The following RIF1 variants were observed in gnomAD, a reference collection of about 807,000 sequenced individuals.
RIF1 encodes telomere-associated protein RIF1.
Under a neutral mutation model 247.1 loss-of-function variants are expected in RIF1, and 45 were observed. The observed-to-expected ratio is 0.18, with a 90% CI of 0.14 to 0.23. The LOEUF is 0.23. Ranked by LOEUF, RIF1 falls within the 10% of genes least tolerant of loss-of-function variation. The pLI, the probability that RIF1 is intolerant of heterozygous loss-of-function variation, is 1.00. For missense variants in RIF1, 2,967 were observed against 2,862.5 expected (o/e 1.04, Z -0.83); for synonymous variants, 1,087 against 978.8 (o/e 1.11, Z -2.06).
At chr2:151,435,687 T>C (rs1691043889) in intron 11 of RIF1, 107 bp downstream of exon 11, 1 of 614,736 alleles carries the variant, frequency 1.6e-6, no homozygotes, top group Admixed American at 2.5e-5. Flanking sequence ...TTTTGCTCAG[T>C]GTTTTTCGTT....
intron 13 of RIF1, among the ~76,000 whole-genome samples, chr2:151,438,250 T>C (rs1187839426): frequency 6.6e-6 from 1 of 152,004 alleles, no homozygotes. Context: ...GAGGCTAAGG[T>C]GGGAGGTTCA....
In RIF1 at chr2:151,490,448, C is replaced by T. The variant is rs759047810; in HGVS notation, c.*416-4781C>T. On this transcript the variant is annotated intron_variant and NMD_transcript_variant, in intron 9 of 13. Transcript: ENST00000454583. Reference sequence around the variant, plus strand: ...CTGGTGCTTCTGAATGCTCAGACTTCTCCTCACCCCCACTGATGCTTAGTG... The same window carrying T: ...CTGGTGCTTCTGAATGCTCAGACTTTTCCTCACCCCCACTGATGCTTAGTG... 2.5e-6 allele frequency: 4 copies of T among 1,606,290 alleles called. No homozygotes were observed. Among genetic ancestry groups the T allele is most frequent in the Non-Finnish European group, 3.4e-6 (4 of 1,176,366 alleles).
Position 151,457,858 on chromosome 2 carries a change from G to T in RIF1, c.2750G>T (p.Cys917Phe). 6.2e-7 allele frequency: 1 copy of T among 1,613,620 alleles called. No homozygotes were observed. The highest frequency in any genetic ancestry group is 8.5e-7 in the Non-Finnish European group (1 of 1,179,670). ...CTTGAACAACTCTCCCCACTATTAT[G>T]CATAATATTTCTGCACAAGAATAAA... is the stretch of plus-strand genomic sequence containing the variant. The part of the protein sequence containing the change: ...ELLEQLSPLL[C>F]IIFLHKNKQI... Residue 917 changes from cysteine to phenylalanine, a missense_variant, in exon 24 of 36, where the codon TGC becomes TTC. By Grantham distance (205) the Cys-to-Phe change is radical (BLOSUM62 -2). Around this residue, in one of 7 missense-constraint regions of RIF1, gnomAD observed 2,028 missense variants for 1,825.6 expected, o/e 1.11. Transcript: ENST00000444746.
chr2:151,502,598 T>TATC (rs1349909272), intron 11 of RIF1, among the ~76,000 whole-genome samples: 4 of 152,090 alleles, frequency 2.6e-5, no homozygotes, highest in African/African-American at 9.7e-5. Context: ...AAGTGATAAA[T>TATC]ATCTATGTTT....
intron 30 of RIF1, among the ~76,000 whole-genome samples, chr2:151,466,926 T>G (rs1424705151): frequency 6.6e-6 from 1 of 152,228 alleles, no homozygotes; most frequent in East Asian, 1.9e-4. Flanking sequence ...AACAACACTT[T>G]GAAAGTATTC....
rs770900516 is a variant in RIF1, at chr2:151,465,916, T to C, written c.6396T>C (p.Ala2132=). 3.7e-6 allele frequency: 6 copies of C among 1,614,168 alleles called. No homozygotes were observed. The highest frequency in any genetic ancestry group is 2.2e-5 in the East Asian group (1 of 44,878). The part of the protein sequence containing the change: ...EPSQCLASGT[A]ISELIIEDNN... ...CACAGTGTCTGGCATCTGGAACAGC[T>C]ATCTCTGAGCTAATAATAGAAGACA... is the stretch of plus-strand genomic sequence containing the variant. The change falls in exon 30 of 36, where the codon GCT becomes GCC. Residue 2132 remains alanine (A), a synonymous_variant. Transcript: ENST00000444746.
intron 9 of RIF1, among the ~76,000 whole-genome samples, chr2:151,431,252 G>T (rs1233850231): frequency 6.6e-6 from 1 of 152,126 alleles, no homozygotes; most frequent in Non-Finnish European, 1.5e-5. Flanking sequence ...GAAGGCAGAA[G>T]AGCAGAAAAG....
Position 151,464,282 on chromosome 2 carries a change from A to C in RIF1, c.4762A>C (p.Lys1588Gln). The C allele has an allele frequency of 6.2e-7, 1 of 1,613,786 alleles. No individual in the cohort carries two copies. The highest frequency in any genetic ancestry group is 2.2e-5 in the East Asian group (1 of 44,870). ...ESVDIQDQEE[K>Q]VVKQECIKAE... ...TGTTGACATTCAAGATCAAGAAGAGAAAGTGGTGAAACAGGAATGTATAAA... is the reference window on the plus strand; with the variant it reads ...TGTTGACATTCAAGATCAAGAAGAGCAAGTGGTGAAACAGGAATGTATAAA... Residue 1588 changes from lysine to glutamine, a missense_variant, in exon 30 of 36, where the codon AAA becomes CAA. Physicochemically the swap from Lys to Gln is moderately conservative, Grantham distance 53. Coordinates refer to ENST00000444746, the MANE Select transcript of RIF1 (RefSeq NM_018151.5).
At chr2:151,427,087 T>G (rs1421642534) in intron 8 of RIF1, among the ~76,000 whole-genome samples, 3 of 152,192 alleles carry the variant, frequency 2.0e-5, no homozygotes, top group Non-Finnish European at 4.4e-5. Flanking sequence ...CTTTTTTTTT[T>G]GTTACCGGTT....
At position 151,446,433 on chromosome 2, in the gene RIF1, T is replaced by C. The variant is rs1328395120; in HGVS notation, c.2102T>C (p.Met701Thr). 1.2e-6 allele frequency: 2 copies of C among 1,613,942 alleles called. No individual in the cohort carries two copies. Among genetic ancestry groups the C allele is most frequent in the Admixed American group, 3.3e-5 (2 of 59,996 alleles). Residue 701 changes from methionine to threonine, a missense_variant, in exon 20 of 36, where the codon ATG becomes ACG. Transcript: ENST00000444746. ...FSEQRFPVATMKTLLRTWSEL... is the reference protein window; with the variant it reads ...FSEQRFPVATTKTLLRTWSEL... ...TTTTGTTGTTATTGGTAGGCCACCATGAAGACTTTGCTTAGAACTTGGTCA... is the reference window on the plus strand; with the variant it reads ...TTTTGTTGTTATTGGTAGGCCACCACGAAGACTTTGCTTAGAACTTGGTCA...
chr2:151,487,066 C>T (rs2051203081), downstream of RIF1, among the ~76,000 whole-genome samples: 1 of 152,012 alleles, frequency 6.6e-6, no homozygotes, highest in Non-Finnish European at 1.5e-5. Context: ...TGCGCATGTG[C>T]GTGTGTGTGT....
intron 23 of RIF1, 48 bp from the exon 24 acceptor site, chr2:151,457,713 A>G: frequency 7.4e-7 from 1 of 1,345,566 alleles, no homozygotes; most frequent in Non-Finnish European, 1.1e-6. Context: ...ATATTCTGTG[A>G]GTTAATATTT....
At chr2:151,449,287 A>G (rs1445490942) in intron 20 of RIF1, among the ~76,000 whole-genome samples, 2 of 152,240 alleles carry the variant, frequency 1.3e-5, no homozygotes, top group Non-Finnish European at 1.5e-5. Context: ...CTGCATGTAT[A>G]TCTTCATTAG....
chr2:151,464,725 T>G lies in RIF1; in HGVS notation c.5205T>G (p.Cys1735Trp). 1.2e-6 allele frequency: 2 copies of G among 1,613,248 alleles called. No individual in the cohort carries two copies. Among genetic ancestry groups the G allele is most frequent in the Non-Finnish European group, 1.7e-6 (2 of 1,179,742 alleles). Residue 1735 changes from cysteine (C) to tryptophan (W), a missense_variant, in exon 30 of 36, where the codon TGT (cysteine) becomes TGG (tryptophan). Coordinates refer to ENST00000444746, the MANE Select transcript of RIF1 (RefSeq NM_018151.5). ...GGAGATCTAAAGGTTGTGATTGCTG[T>G]GGGGAAAAATCACAACCTCAGGAAA... ...RVRRSKGCDC[C>W]GEKSQPQEKS...
At chr2:151,508,582 T>C (rs2071237195), downstream of RIF1, among the ~76,000 whole-genome samples, 1 of 152,232 alleles carries the variant, frequency 6.6e-6, no homozygotes, top group African/African-American at 2.4e-5. Flanking sequence ...CACTGAGCCA[T>C]GAGCAGGTGC....
intron 32 of RIF1, 33 bp from the exon 33 acceptor site, chr2:151,468,608 C>T: frequency 1.2e-6 from 2 of 1,603,126 alleles, no homozygotes; most frequent in Non-Finnish European, 1.7e-6. Flanking sequence ...GTCAGTTGAC[C>T]TCTGTGTAAC....
chr2:151,490,302 G>A, intron 9 of RIF1: 1 of 1,517,656 alleles, frequency 6.6e-7, no homozygotes, highest in Non-Finnish European at 8.9e-7. Context: ...TGTACTCAAA[G>A]CATCTCTTAT....
At chr2:151,501,674 T>G (rs1201240812) in intron 11 of RIF1, among the ~76,000 whole-genome samples, 3 of 152,202 alleles carry the variant, frequency 2.0e-5, no homozygotes, top group African/African-American at 7.2e-5. Context: ...TGTCTGTCTC[T>G]AAAAGACATC....
intron 18 of RIF1, among the ~76,000 whole-genome samples, chr2:151,444,923 T>A (rs904045159): frequency 3.9e-5 from 6 of 152,044 alleles, no homozygotes; most frequent in Admixed American, 3.9e-4. Context: ...AATCAAGGAG[T>A]TGGTAGGATT....
Sources: allele counts gnomAD v4.1 joint callset (sites outside exome capture counted in the v4.1 genomes callset), GRCh38; gene constraint gnomAD v4.1.1; regional missense constraint gnomAD v4.1.1; transcripts MANE v1.5; gene names NCBI Gene and HGNC (gene_info 2026-07-23, HGNC 2026-07-21).